PLD5: variants seen among roughly 807,000 people sequenced by gnomAD.
The protein encoded by PLD5 is inactive phospholipase D5.
PLD5 carries 36 observed loss-of-function variants against 61.1 expected under a neutral mutation model. That is an observed-to-expected ratio of 0.59 (90% confidence interval 0.45 to 0.78). PLD5 has a LOEUF of 0.78. PLD5 is among the 30% of genes least tolerant of loss of function. PLD5 has a pLI of 0.00. For synonymous variants in PLD5, 243 were observed against 242.8 expected, an observed-to-expected ratio of 1.00 and a Z score of -0.01; for missense variants, 515 against 644.4, an observed-to-expected ratio of 0.80 and a Z score of 2.17.
intron 5 of PLD5, among the ~76,000 whole-genome samples, chr1:242,207,519 G>A (rs1669397254): frequency 6.6e-6 from 1 of 151,916 alleles, no homozygotes; most frequent in African/African-American, 2.4e-5. Flanking sequence ...GCAAGAAGCT[G>A]CTCACAGATC....
At chr1:242,448,456 G>A (rs1259212861) in intron 1 of PLD5, among the ~76,000 whole-genome samples, 1 of 152,154 alleles carries the variant, frequency 6.6e-6, no homozygotes, top group Non-Finnish European at 1.5e-5. Flanking sequence ...AACAGTAATA[G>A]GCTTTATCTT....
At position 242,468,724 on chromosome 1, in the gene PLD5, CAT is replaced by C. The variant is rs530538824; in HGVS notation, c.189+55362_189+55363del. On this transcript the variant is annotated intron_variant, in intron 1 of 9. Transcript: ENST00000536534. ...ACGCACACACACACACATACACACACATATATATATACTTTTTCCCATCAATT... is the reference window on the plus strand; with the variant it reads ...ACGCACACACACACACATACACACACATATATATACTTTTTCCCATCAATT... 1.2e-3 allele frequency among the ~76,000 whole-genome samples: 180 copies of C among 151,798 alleles called. 3 individuals are homozygous for C. The highest frequency in any genetic ancestry group is 3.4e-3 in the Admixed American group (51 of 15,198).
At chr1:242,501,158 C>T (rs1359950059) in intron 1 of PLD5, among the ~76,000 whole-genome samples, 4 of 152,150 alleles carry the variant, frequency 2.6e-5, no homozygotes, top group African/African-American at 7.2e-5. Flanking sequence ...TAGCACTGAA[C>T]TGAGCTTTCC....
In PLD5 at chr1:242,432,514, A is replaced by C. The variant is rs1248199498; in HGVS notation, c.190-84272T>G. 2.6e-5 allele frequency among the ~76,000 whole-genome samples: 4 copies of C among 152,240 alleles called. No homozygotes were observed. The East Asian group carries it at 7.7e-4, about 29-fold the overall frequency. Reference sequence around the variant, plus strand: ...GCTCATAAATGGAAGGTGTGTCTTTAGAAATCTGTCGTCTAAAGCTGGGGC... The same window carrying C: ...GCTCATAAATGGAAGGTGTGTCTTTCGAAATCTGTCGTCTAAAGCTGGGGC... On this transcript the variant is annotated intron_variant, in intron 1 of 9. Transcript: ENST00000536534.
chr1:242,416,965 A>T (rs1018327608), intron 1 of PLD5, among the ~76,000 whole-genome samples: 3 of 152,202 alleles, frequency 2.0e-5, no homozygotes, highest in Admixed American at 2.0e-4. Context: ...ATCACAACAA[A>T]TATTTCTGCA....
intron 1 of PLD5, among the ~76,000 whole-genome samples, chr1:242,389,466 T>G (rs1472713144): frequency 6.6e-6 from 1 of 152,058 alleles, no homozygotes; most frequent in Non-Finnish European, 1.5e-5. Context: ...TAATATTTAT[T>G]AAGCTCCCAT....
chr1:242,085,448 G>A lies in PLD5; in HGVS notation c.*4406C>T, dbSNP rs997439162. 5.9e-5 allele frequency: 9 copies of A among 152,200 alleles called. No homozygotes were observed. Among genetic ancestry groups the A allele is most frequent in the African/African-American group, 2.2e-4 (9 of 41,448 alleles). 9.4% of individuals were successfully genotyped at this position (152,200 alleles called of 1,614,324 possible). A position where few individuals can be genotyped will look rare whatever the true frequency, so the allele number is the denominator to read the frequency against. On this transcript the variant is annotated 3_prime_UTR_variant, in exon 10 of 10. Transcript: ENST00000536534. The stretch of plus-strand genomic sequence containing the variant: ...TTCTCTCAAATGAGAAAGACAGGCT[G>A]CGAACTGGGGTTGATGTCAGGGCTA...
intron 4 of PLD5, among the ~76,000 whole-genome samples, chr1:242,249,215 C>T (rs1473399180): frequency 1.3e-5 from 2 of 152,154 alleles, no homozygotes; most frequent in African/African-American, 2.4e-5. Flanking sequence ...GGGCTCCTCC[C>T]TTTTGAATTG....
At chr1:242,182,712 A>T (rs1423842416) in intron 5 of PLD5, among the ~76,000 whole-genome samples, 1 of 152,090 alleles carries the variant, frequency 6.6e-6, no homozygotes, top group Non-Finnish European at 1.5e-5. Context: ...GCATGGTGGC[A>T]CACGCCCGAA....
At chr1:242,230,526 G>T (rs563345055) in intron 4 of PLD5, among the ~76,000 whole-genome samples, 1 of 152,156 alleles carries the variant, frequency 6.6e-6, no homozygotes, top group South Asian at 2.1e-4. Flanking sequence ...GTTCTTGGGG[G>T]CTTTAATTCT....
intron 2 of PLD5, among the ~76,000 whole-genome samples, chr1:242,309,501 G>A (rs572224676): frequency 1.3e-5 from 2 of 151,670 alleles, no homozygotes; most frequent in East Asian, 1.9e-4. Context: ...AGCCTCCCGA[G>A]TAGCTGGGAT....
At chr1:242,103,321 C>T (rs1660823309) in intron 8 of PLD5, among the ~76,000 whole-genome samples, 1 of 152,184 alleles carries the variant, frequency 6.6e-6, no homozygotes, top group African/African-American at 2.4e-5. Context: ...CTGGGTTCTG[C>T]CCTGTCCCCT....
rs570975469 is a variant in PLD5, at chr1:242,471,227, C to T, written c.189+52861G>A. 3.3e-5 allele frequency among the ~76,000 whole-genome samples: 5 copies of T among 152,340 alleles called. No individual in the cohort carries two copies. In the East Asian group the frequency reaches 9.6e-4, roughly 29 times the overall value. ...TCCTGTCCTAAACCTGCAAATTCCT[C>T]CATCTCTGCCCCAGCCCCAAACCTT... On this transcript the variant is annotated intron_variant, in intron 1 of 9. Coordinates refer to ENST00000536534, the MANE Select transcript of PLD5 (RefSeq NM_001372062.1).
chr1:242,113,312 C>T (rs1661686887), intron 7 of PLD5, among the ~76,000 whole-genome samples: 1 of 152,060 alleles, frequency 6.6e-6, no homozygotes, highest in Non-Finnish European at 1.5e-5. Flanking sequence ...CCAGGATGGT[C>T]TCGATCTCCT....
intron 1 of PLD5, among the ~76,000 whole-genome samples, chr1:242,424,165 CCT>C (rs1665294409): frequency 1.3e-5 from 2 of 152,194 alleles, no homozygotes; most frequent in South Asian, 4.2e-4. Context: ...TCCCTTACTC[CCT>C]CTTATTGTCC....
At position 242,086,480 on chromosome 1, in the gene PLD5, T is replaced by G. The variant is rs550512233; in HGVS notation, c.*3374A>C. The G allele has an allele frequency of 6.6e-6, 1 of 152,244 alleles. No homozygotes were observed. The highest frequency in any genetic ancestry group is 2.1e-4 in the South Asian group (1 of 4,826). The allele number at this position is 152,244 out of a possible 1,614,324, so 9.4% of individuals were successfully genotyped here. A position where few individuals can be genotyped will look rare whatever the true frequency, so the allele number is the denominator to read the frequency against. ...ACTCTTCCACTTCCTCTCCAATGGT[T>G]GGACAAGCAGAGATTCAATTATTTG... On this transcript the variant is annotated 3_prime_UTR_variant, in exon 10 of 10. Transcript: ENST00000536534.
At chr1:242,147,863 T>C (rs917055383) in intron 5 of PLD5, among the ~76,000 whole-genome samples, 1 of 152,316 alleles carries the variant, frequency 6.6e-6, no homozygotes, top group Middle Eastern at 3.4e-3. Context: ...CTGTCTCTTT[T>C]CCTATTAAAT....
intron 1 of PLD5, among the ~76,000 whole-genome samples, chr1:242,442,714 A>G (rs1666333433): frequency 6.6e-6 from 1 of 152,194 alleles, no homozygotes; most frequent in South Asian, 2.1e-4. Context: ...GTAAATCGAC[A>G]CTCCATACAA....
chr1:242,267,547 G>A (rs1574639098), intron 3 of PLD5, among the ~76,000 whole-genome samples: 3 of 152,088 alleles, frequency 2.0e-5, no homozygotes, highest in Admixed American at 2.0e-4. Context: ...CAGGTATTCT[G>A]GTATGGTATG....
Sources: allele counts gnomAD v4.1 joint callset (sites outside exome capture counted in the v4.1 genomes callset), GRCh38; gene constraint gnomAD v4.1.1; transcripts MANE v1.5; gene names NCBI Gene and HGNC (gene_info 2026-07-23, HGNC 2026-07-21).